Variants in KIAA1755 observed in about 807,000 individuals in gnomAD.
The protein encoded by KIAA1755 is uncharacterized protein KIAA1755.
KIAA1755 carries 68 observed loss-of-function variants against 91.7 expected under a neutral mutation model. That is an observed-to-expected ratio of 0.74 (90% CI 0.61 to 0.91). KIAA1755 has a LOEUF of 0.91. Ranked by LOEUF, KIAA1755 falls within the 40% of genes least tolerant of loss-of-function variation. The pLI, the probability that KIAA1755 is intolerant of heterozygous loss-of-function variation, is 0.00. For synonymous variants in KIAA1755, 610 were observed against 604.6 expected (o/e 1.01, Z -0.13); for missense variants, 1,535 against 1,494.4 (o/e 1.03, Z -0.45).
At chr20:38,246,352 C>T (rs752647304) in intron 1 of KIAA1755, among the ~76,000 whole-genome samples, 4 of 152,110 alleles carry the variant, frequency 2.6e-5, no homozygotes, top group Non-Finnish European at 5.9e-5. Context: ...TGGCTGTTCC[C>T]TCTGCCTAGA....
intron 8 of KIAA1755, among the ~76,000 whole-genome samples, chr20:38,224,283 G>A (rs2075715961): frequency 6.6e-6 from 1 of 152,132 alleles, no homozygotes; most frequent in Non-Finnish European, 1.5e-5. Flanking sequence ...TCATGTAAAG[G>A]AAAGGGTTTA....
At chr20:38,232,104 CA>C (rs2075875370) in intron 4 of KIAA1755, among the ~76,000 whole-genome samples, 1 of 152,164 alleles carries the variant, frequency 6.6e-6, no homozygotes, top group African/African-American at 2.4e-5. Context: ...ACCTGTCTCG[CA>C]GCCTGGACTC....
rs1316632736 is a variant in KIAA1755 at position 38,228,143 on chromosome 20, T to A, written c.1965+4A>T. The A allele has an allele frequency of 1.9e-6, 3 of 1,590,166 alleles. No homozygotes were observed. Among genetic ancestry groups the A allele is most frequent in the Non-Finnish European group, 2.6e-6 (3 of 1,168,952 alleles). On this transcript the variant is annotated splice_donor_region_variant and intron_variant, in intron 6 of 13. Transcript: ENST00000279024. Reference sequence around the variant, plus strand: ...TAGGCTAAGGCTCTCCACCTCCCACTCACCTGGGTGGCCTGCAGGGCGCTG... The same window carrying A: ...TAGGCTAAGGCTCTCCACCTCCCACACACCTGGGTGGCCTGCAGGGCGCTG...
chr20:38,252,970 C>G (rs2076277877), intron 1 of KIAA1755, among the ~76,000 whole-genome samples: 1 of 152,150 alleles, frequency 6.6e-6, no homozygotes, highest in Non-Finnish European at 1.5e-5. Flanking sequence ...CAGCCTGGGA[C>G]CACAGGAACC....
chr20:38,233,250 A>T (rs2075901203), intron 4 of KIAA1755: 1 of 152,248 alleles, frequency 6.6e-6, no homozygotes, highest in African/African-American at 2.4e-5. Context: ...AAACAAATAG[A>T]TGAAGCATGA....
intron 1 of KIAA1755, among the ~76,000 whole-genome samples, chr20:38,259,508 T>TGC (rs1339284813): frequency 7.5e-6 from 1 of 133,912 alleles, no homozygotes; most frequent in African/African-American, 2.8e-5. Context: ...TGTGAGTGCC[T>TGC]GCGTGTGTGT....
At chr20:38,230,405 A>G (rs2075838651) in intron 5 of KIAA1755, among the ~76,000 whole-genome samples, 1 of 152,162 alleles carries the variant, frequency 6.6e-6, no homozygotes, top group Admixed American at 6.5e-5. Context: ...AACATCCCCT[A>G]TTCTTCTTAC....
chr20:38,246,280 A>G (rs1239594627), intron 1 of KIAA1755, among the ~76,000 whole-genome samples, 154 bp from the exon 2 acceptor site: 2 of 151,948 alleles, frequency 1.3e-5, no homozygotes, highest in Non-Finnish European at 2.9e-5. Flanking sequence ...TGCCAGCCAC[A>G]CTGGCCTTCT....
At chr20:38,251,506 G>A (rs367958263) in intron 1 of KIAA1755, among the ~76,000 whole-genome samples, 2 of 152,062 alleles carry the variant, frequency 1.3e-5, no homozygotes, top group East Asian at 1.9e-4. Context: ...ATGGAGTGGG[G>A]GTGGGGGGAT....
chr20:38,223,895 G>A (rs2075708086), intron 8 of KIAA1755, among the ~76,000 whole-genome samples: 1 of 152,184 alleles, frequency 6.6e-6, no homozygotes, highest in Non-Finnish European at 1.5e-5. Flanking sequence ...CTGGCCTGGG[G>A]AACCACACTT....
chr20:38,219,653 G>C lies in KIAA1755; in HGVS notation c.2533C>G (p.Arg845Gly), dbSNP rs144671254. The C allele has an allele frequency of 1.2e-6, 2 of 1,614,080 alleles. No individual in the cohort carries two copies. Among genetic ancestry groups the C allele is most frequent in the African/African-American group, 1.3e-5 (1 of 75,052 alleles). Residue 845 changes from arginine to glycine, a missense_variant, in exon 11 of 14, where the codon CGC (arginine) becomes GGC (glycine). Physicochemically the swap from Arg to Gly is moderately radical, Grantham distance 125. Coordinates refer to ENST00000279024, the MANE Select transcript of KIAA1755 (RefSeq NM_001029864.2). ...GKLELRVRLG[R>G]LEAAIHQVSD... The stretch of plus-strand genomic sequence containing the variant: ...ACCTGGTGAATGGCAGCTTCCAGGC[G>C]GCCCAGGCGGACACGGAGCTCCAGC...
In KIAA1755 at chr20:38,246,123, G is replaced by T. The variant is rs758436538; in HGVS notation, c.7C>A (p.Pro3Thr). 1.2e-6 allele frequency: 2 copies of T among 1,612,372 alleles called. No homozygotes were observed. The highest frequency in any genetic ancestry group is 1.7e-6 in the Non-Finnish European group (2 of 1,179,596). MD[P>T]PSLDTAIQHA... ...TGGATGGCTGTGTCGAGGGATGGAGGGTCCTGTGGGGGACAGGAGGAGGGG... is the reference window on the plus strand; with the variant it reads ...TGGATGGCTGTGTCGAGGGATGGAGTGTCCTGTGGGGGACAGGAGGAGGGG... The change falls in exon 2 of 14, where the codon CCT becomes ACT. Residue 3 changes from proline (P) to threonine (T), a missense_variant. Physicochemically the swap from Pro to Thr is conservative, Grantham distance 38. Transcript: ENST00000279024.
rs932071260 is a variant in KIAA1755, at chr20:38,241,250, G to A, written c.881C>T (p.Ala294Val). 5 of 1,614,014 alleles carry A rather than the reference G, an allele frequency of 3.1e-6. No homozygotes were observed. The African/African-American group carries it at 6.7e-5, about 22-fold the overall frequency. ...ESRGESPSRE[A>V]GTSSGCTSGA... ...AGAAGTACACCCACTGGATGTGCCT[G>A]CCTCCCTACTGGGAGACTCTCCTCT... The change falls in exon 3 of 14, where the codon GCA becomes GTA. Residue 294 changes from alanine to valine, a missense_variant. Transcript: ENST00000279024.
Position 38,227,145 on chromosome 20 carries a change from C to T in KIAA1755, c.2052+9G>A. The T allele has an allele frequency of 6.2e-7, 1 of 1,610,024 alleles. No individual in the cohort carries two copies. Among genetic ancestry groups the T allele is most frequent in the African/African-American group, 1.3e-5 (1 of 74,964 alleles). On this transcript the variant is annotated intron_variant, in intron 7 of 13. Coordinates refer to ENST00000279024, the MANE Select transcript of KIAA1755 (RefSeq NM_001029864.2). ...CCTTCCTCAACCGCCGACCCTGAGT[C>T]CCCCTCACCTGGACGTCAGGTAATG...
At chr20:38,238,599 C>T (rs1600623574) in intron 4 of KIAA1755, among the ~76,000 whole-genome samples, 1 of 152,192 alleles carries the variant, frequency 6.6e-6, no homozygotes, top group African/African-American at 2.4e-5. Context: ...CCCACAGCCC[C>T]CTGTCCTTCC....
chr20:38,223,659 G>T (rs2123106988), intron 8 of KIAA1755, 23 bp from the exon 9 acceptor site: 1 of 1,586,592 alleles, frequency 6.3e-7, no homozygotes, highest in Non-Finnish European at 8.6e-7. Flanking sequence ...GGACCAAAGG[G>T]CAGGTGTCAG....
intron 1 of KIAA1755, 130 bp downstream of exon 1, chr20:38,260,368 C>G: frequency 6.3e-7 from 1 of 1,593,740 alleles, no homozygotes; most frequent in Non-Finnish European, 8.6e-7. Flanking sequence ...TAAGCACAAC[C>G]CTGCCAAGGC....
chr20:38,240,452 A>T lies in KIAA1755; in HGVS notation c.1549+130T>A, dbSNP rs1053287485. The T allele has an allele frequency of 7.9e-6, 7 of 887,968 alleles. No homozygotes were observed. The African/African-American group carries it at 1.0e-4, about 13-fold the overall frequency. The allele number at this position is 887,968 out of a possible 1,614,324, so 55.0% of individuals were successfully genotyped here. On this transcript the variant is annotated intron_variant, in intron 3 of 13. Transcript: ENST00000279024. ...GAGACTTCAAGCCCCTTAACATGCC[A>T]CACTGTATACTAAACCCCTGAAGCT...
chr20:38,245,511 G>A (rs1004703005), intron 2 of KIAA1755, among the ~76,000 whole-genome samples: 5 of 152,216 alleles, frequency 3.3e-5, no homozygotes, highest in Admixed American at 1.3e-4. Flanking sequence ...AGAGGTCACA[G>A]GGGAAGAAAG....
Sources: gnomAD v4.1 joint callset for allele counts (sites outside exome capture counted in the v4.1 genomes callset) on GRCh38, gnomAD v4.1.1 for gene constraint, MANE v1.5 for transcripts, NCBI Gene and HGNC (gene_info 2026-07-23, HGNC 2026-07-21) for gene names.